MAN1A2: variants seen among roughly 807,000 people sequenced by gnomAD.
The protein encoded by MAN1A2 is mannosidase alpha class 1A member 2.
MAN1A2 carries 26 observed loss-of-function variants against 75.7 expected under a neutral mutation model. The ratio of observed to expected loss-of-function variants is 0.34; its 90% CI spans 0.25 to 0.48. The LOEUF is 0.48. Among genes scored for constraint, MAN1A2 ranks in the 20% least tolerant of loss-of-function variants. The pLI, the probability that MAN1A2 is intolerant of heterozygous loss-of-function variation, is 0.99. For missense variants in MAN1A2, 562 were observed against 775.5 expected (o/e 0.72, Z 3.27); for synonymous variants, 247 against 264.6 (o/e 0.93, Z 0.65).
In MAN1A2 at chr1:117,522,912, A is replaced by T. The variant is rs757179136; in HGVS notation, c.1881A>T (p.Leu627Phe). Reference sequence around the variant, plus strand: ...CAGAGGCTCACCCTCTGCCTGTGTTACATTTAGCCAACACCACACTTTCAG... The same window carrying T: ...CAGAGGCTCACCCTCTGCCTGTGTTTCATTTAGCCAACACCACACTTTCAG... The part of the protein sequence containing the change: ...FNTEAHPLPV[L>F]HLANTTLSGN... Residue 627 changes from leucine to phenylalanine, a missense_variant, in exon 13 of 13, where the codon TTA becomes TTT. Leu to Phe is a conservative substitution (Grantham distance 22, BLOSUM62 0). This residue lies in a region of MAN1A2 where 434 missense variants were observed against 645.7 expected (regional missense o/e 0.67). Coordinates refer to ENST00000356554, the MANE Select transcript of MAN1A2 (RefSeq NM_006699.5). 6.2e-7 allele frequency: 1 copy of T among 1,611,830 alleles called. No individual in the cohort carries two copies. Among genetic ancestry groups the T allele is most frequent in the Non-Finnish European group, 8.5e-7 (1 of 1,178,544 alleles).
chr1:117,368,473 A>G lies in MAN1A2; in HGVS notation c.290A>G (p.Glu97Gly). Residue 97 changes from glutamate (E) to glycine (G), a missense_variant, in exon 1 of 13, where the codon GAA (glutamate) becomes GGA (glycine). This residue lies in a region of MAN1A2 where 128 missense variants were observed against 129.8 expected (regional missense o/e 0.99). Transcript: ENST00000356554. ...PGVFLIHGPDEHRHREEEERL... is the reference protein window; with the variant it reads ...PGVFLIHGPDGHRHREEEERL... ...GTCTTCCTGATCCATGGACCCGATG[A>G]ACATAGACACAGGTTTGTTTATTTC... The G allele has an allele frequency of 6.2e-7, 1 of 1,609,736 alleles. No individual in the cohort carries two copies. Among genetic ancestry groups the G allele is most frequent in the Non-Finnish European group, 8.5e-7 (1 of 1,178,436 alleles).
chr1:117,474,787 A>G (rs988114903), intron 8 of MAN1A2, among the ~76,000 whole-genome samples: 1 of 151,674 alleles, frequency 6.6e-6, no homozygotes, highest in African/African-American at 2.4e-5. Context: ...CATGATCACA[A>G]TCAAAATAGT....
At chr1:117,452,004 C>CA (rs977882411) in intron 6 of MAN1A2, among the ~76,000 whole-genome samples, 19 of 150,764 alleles carry the variant, frequency 1.3e-4, no homozygotes, top group African/African-American at 2.4e-4. Flanking sequence ...CAAAACAAAA[C>CA]AAAAAAACAG....
In MAN1A2 at chr1:117,526,673, A is replaced by G. The variant is rs1652027349; in HGVS notation, c.*3716A>G. The G allele has an allele frequency of 6.6e-6, 1 of 151,274 alleles. No individual in the cohort carries two copies. Among genetic ancestry groups the G allele is most frequent in the Non-Finnish European group, 1.5e-5 (1 of 67,594 alleles). The allele number at this position is 151,274 out of a possible 1,614,324, so 9.4% of individuals were successfully genotyped here. ...ATTCATGGGTAAAACTTGCAGTTGT[A>G]AATTGTGTCTGCTCTGGTATGGGCC... On this transcript the variant is annotated 3_prime_UTR_variant, in exon 13 of 13. Transcript: ENST00000356554.
intron 1 of MAN1A2, among the ~76,000 whole-genome samples, chr1:117,380,502 ACT>A (rs1204510722): frequency 6.6e-6 from 1 of 152,024 alleles, no homozygotes; most frequent in Non-Finnish European, 1.5e-5. Flanking sequence ...TATGGTTTTA[ACT>A]CTTATTTAGG....
intron 6 of MAN1A2, among the ~76,000 whole-genome samples, chr1:117,447,417 C>T (rs768574261): frequency 5.3e-5 from 8 of 151,770 alleles, no homozygotes; most frequent in Non-Finnish European, 8.8e-5. Flanking sequence ...AAGAAGTATC[C>T]TGCATATGTT....
chr1:117,473,409 C>G (rs61805817), intron 8 of MAN1A2, among the ~76,000 whole-genome samples: 18,268 of 152,010 alleles, frequency 0.12, 1,155 homozygotes, highest in Non-Finnish European at 0.14. Flanking sequence ...CTGTTTCTGC[C>G]TCTGCCCCTT....
At chr1:117,428,588 T>G (rs199965699) in intron 5 of MAN1A2, among the ~76,000 whole-genome samples, 25,104 of 151,880 alleles carry the variant, frequency 0.17, 2,512 homozygotes, top group African/African-American at 0.26. Context: ...GCAAAAATAG[T>G]TAAAACGACA....
intron 11 of MAN1A2, among the ~76,000 whole-genome samples, chr1:117,501,775 T>C (rs560516774): frequency 8.0e-4 from 121 of 151,872 alleles, no homozygotes; most frequent in Non-Finnish European, 1.6e-3. Context: ...TAGCTTTTCA[T>C]AGGAAGGAGA....
intron 6 of MAN1A2, among the ~76,000 whole-genome samples, chr1:117,443,948 C>T (rs1383470944): frequency 6.6e-6 from 1 of 151,792 alleles, no homozygotes; most frequent in Non-Finnish European, 1.5e-5. Context: ...GGGGTCTACG[C>T]ATTTCCCACA....
At chr1:117,453,749 C>G (rs1649493352) in intron 6 of MAN1A2, among the ~76,000 whole-genome samples, 1 of 152,146 alleles carries the variant, frequency 6.6e-6, no homozygotes, top group Non-Finnish European at 1.5e-5. Flanking sequence ...ATGAGAGTGG[C>G]CTCCAAGTTG....
intron 8 of MAN1A2, among the ~76,000 whole-genome samples, chr1:117,485,069 TA>T (rs546754632): frequency 3.9e-4 from 60 of 152,124 alleles, no homozygotes; most frequent in Non-Finnish European, 6.5e-4. Context: ...CAACACATTT[TA>T]AAAAGGTTTT....
At position 117,368,204 on chromosome 1, in the gene MAN1A2, G is replaced by A; in HGVS notation, c.21G>A (p.Leu7=). 6.2e-7 allele frequency: 1 copy of A among 1,613,294 alleles called. No individual in the cohort carries two copies. Among genetic ancestry groups the A allele is most frequent in the Non-Finnish European group, 8.5e-7 (1 of 1,179,766 alleles). ...AAACGATGACTACCCCAGCCCTGCTGCCCCTCTCTGGACGTAGGATACCAC... is the reference window on the plus strand; with the variant it reads ...AAACGATGACTACCCCAGCCCTGCTACCCCTCTCTGGACGTAGGATACCAC... MTTPAL[L]PLSGRRIPPL... The change falls in exon 1 of 13, where the codon CTG becomes CTA. Residue 7 remains leucine, a synonymous_variant. Transcript: ENST00000356554.
At chr1:117,446,082 G>A (rs1049741118) in intron 6 of MAN1A2, among the ~76,000 whole-genome samples, 12 of 150,606 alleles carry the variant, frequency 8.0e-5, no homozygotes, top group Non-Finnish European at 1.3e-4. Flanking sequence ...GTGTAAAGTC[G>A]TTCTTGTGTT....
intron 6 of MAN1A2, among the ~76,000 whole-genome samples, chr1:117,447,748 T>A (rs993770901): frequency 4.7e-4 from 71 of 152,274 alleles, no homozygotes; most frequent in East Asian, 5.8e-4. Context: ...GGCTATTTTT[T>A]AAAAAATCAG....
chr1:117,372,721 T>C (rs985156411), intron 1 of MAN1A2, among the ~76,000 whole-genome samples: 12 of 152,172 alleles, frequency 7.9e-5, no homozygotes, highest in African/African-American at 2.4e-4. Context: ...AAGTATACTT[T>C]GTGTACATAA....
At chr1:117,503,035 A>T (rs1651249660) in intron 12 of MAN1A2, 65 bp downstream of exon 12, 2 of 775,004 alleles carry the variant, frequency 2.6e-6, no homozygotes, top group Non-Finnish European at 4.1e-6. Flanking sequence ...TCACTAGATG[A>T]TGAATTACAA....
At chr1:117,466,249 A>ATC in intron 7 of MAN1A2, 85 bp from the exon 8 acceptor site, 3 of 849,420 alleles carry the variant, frequency 3.5e-6, no homozygotes, top group South Asian at 3.6e-5. Context: ...GATTCTGAGT[A>ATC]AGAAAAAACA....
chr1:117,435,680 A>G (rs1648824337), intron 5 of MAN1A2, among the ~76,000 whole-genome samples: 1 of 152,264 alleles, frequency 6.6e-6, no homozygotes, highest in African/African-American at 2.4e-5. Context: ...TATTTGGTTC[A>G]AGATAGAGGA....
Sources: allele counts gnomAD v4.1 joint callset (sites outside exome capture counted in the v4.1 genomes callset), GRCh38; gene constraint gnomAD v4.1.1; regional missense constraint gnomAD v4.1.1; transcripts MANE v1.5; gene names NCBI Gene and HGNC (gene_info 2026-07-23, HGNC 2026-07-21).